Variants in LHX8 observed in about 807,000 individuals in gnomAD.
LHX8 encodes the protein LIM/homeobox protein Lhx8.
LHX8 carries 12 observed loss-of-function variants against 40.3 expected under a neutral mutation model. The ratio of observed to expected loss-of-function variants is 0.30; its 90% CI spans 0.19 to 0.48. The LOEUF (loss-of-function observed/expected upper bound fraction) is 0.48. Among genes scored for constraint, LHX8 ranks in the 20% least tolerant of loss-of-function variants. The pLI is 0.99. For missense variants in LHX8, 344 were observed against 433.7 expected (o/e 0.79, Z 1.84); for synonymous variants, 179 against 162.0 (o/e 1.10, Z -0.80).
Position 75,161,012 on chromosome 1 carries a change from C to A in LHX8, c.*117C>A. The A allele has an allele frequency of 1.3e-6, 1 of 775,078 alleles. No homozygotes were observed. Among genetic ancestry groups the A allele is most frequent in the Non-Finnish European group, 2.2e-6 (1 of 449,130 alleles). The allele number at this position is 775,078 out of a possible 1,614,324, so 48.0% of individuals were successfully genotyped here. ...TATTTAACACCTAAAGCATTTCCAA[C>A]ATCACTTTGCTGCCCAGGTATGTAT... On this transcript the variant is annotated 3_prime_UTR_variant, in exon 9 of 9. Transcript: ENST00000356261.
At chr1:75,132,542 A>G (rs1422988777), upstream of LHX8, 1 of 152,168 alleles carries the variant, frequency 6.6e-6, no homozygotes, top group Admixed American at 6.6e-5. Flanking sequence ...CCACTTATGC[A>G]GAGATAGACG....
rs976779352 is a variant in LHX8 at position 75,134,540 on chromosome 1, G to A, written c.-427G>A. 1.3e-5 allele frequency among the ~76,000 whole-genome samples: 2 copies of A among 151,938 alleles called. No individual in the cohort carries two copies. The highest frequency in any genetic ancestry group is 1.3e-4 in the Admixed American group (2 of 15,250). The stretch of plus-strand genomic sequence containing the variant: ...TCAGCTTTTATTAGTGGATCGGGGC[G>A]GGGGAGGGGGGAGATCGGCAGACAC... On this transcript the variant is annotated 5_prime_UTR_variant, in exon 1 of 9. Coordinates refer to ENST00000356261, the MANE Select transcript of LHX8 (RefSeq NM_001256114.2).
Position 75,140,839 on chromosome 1 carries a change from T to TA in LHX8, c.238-137dup, listed in dbSNP as rs879120230. 1.1e-3 allele frequency: 859 copies of TA among 791,462 alleles called. 2 individuals carry two copies. The highest frequency in any genetic ancestry group is 2.8e-3 in the African/African-American group (158 of 57,132). 49.0% of individuals were successfully genotyped at this position (791,462 alleles called of 1,614,324 possible). On this transcript the variant is annotated intron_variant, in intron 3 of 8. Transcript: ENST00000356261. The stretch of plus-strand genomic sequence containing the variant: ...ATACATGTTTACAAAAATGACATCT[T>TA]AAAAAAAAATGACATCTTTTGGATG...
chr1:75,175,265 CAT>C, the LHX8 span, among the ~76,000 whole-genome samples: 5 of 152,186 alleles, frequency 3.3e-5, no homozygotes, highest in African/African-American at 7.2e-5. Context: ...CTGCTATAAA[CAT>C]GTGTGTGCAA....
chr1:75,197,287 T>C, the LHX8 span, among the ~76,000 whole-genome samples: 1 of 152,140 alleles, frequency 6.6e-6, no homozygotes, highest in African/African-American at 2.4e-5. Context: ...ATTATCTACT[T>C]CTCTCTATCA....
At chr1:75,156,535 C>A (rs1452414370) in intron 7 of LHX8, among the ~76,000 whole-genome samples, 1 of 152,148 alleles carries the variant, frequency 6.6e-6, no homozygotes, top group African/African-American at 2.4e-5. Flanking sequence ...AGCCACAGCA[C>A]CCAGTCAAAT....
chr1:75,140,077 T>C (rs1193067535), intron 3 of LHX8, among the ~76,000 whole-genome samples: 1 of 152,224 alleles, frequency 6.6e-6, no homozygotes, highest in Non-Finnish European at 1.5e-5. Flanking sequence ...GCAAGCCAGT[T>C]CTATCTAATA....
chr1:75,180,966 T>C, the LHX8 span, among the ~76,000 whole-genome samples: 3 of 152,184 alleles, frequency 2.0e-5, no homozygotes, highest in Non-Finnish European at 2.9e-5. Flanking sequence ...TGAAAGTCTG[T>C]TGGAGTTTGC....
chr1:75,133,248 G>A (rs1377110610), upstream of LHX8, among the ~76,000 whole-genome samples: 1 of 152,202 alleles, frequency 6.6e-6, no homozygotes, highest in African/African-American at 2.4e-5. Context: ...GGAGAAAAAT[G>A]CAATGGAGGA....
At chr1:75,163,037 TTCAAA>T (rs1412290248), downstream of LHX8, among the ~76,000 whole-genome samples, 1 of 145,326 alleles carries the variant, frequency 6.9e-6, no homozygotes, top group African/African-American at 2.5e-5. Context: ...TTTTTTGCAA[TTCAAA>T]TCAAGAATCC....
chr1:75,198,574 GA>G, the LHX8 span, among the ~76,000 whole-genome samples: 6,737 of 152,184 alleles, frequency 0.044, 187 homozygotes, highest in Middle Eastern at 0.092. Context: ...GGTGACGTTG[GA>G]AAGCTCCCCT....
intron 7 of LHX8, among the ~76,000 whole-genome samples, chr1:75,150,386 C>T (rs1648573114): frequency 6.6e-6 from 1 of 152,090 alleles, no homozygotes; most frequent in Non-Finnish European, 1.5e-5. Flanking sequence ...GTTAACTATG[C>T]AAACAGGTAT....
At chr1:75,148,071 CCT>C (rs1648508850) in intron 6 of LHX8, among the ~76,000 whole-genome samples, 2 of 152,108 alleles carry the variant, frequency 1.3e-5, no homozygotes, top group Admixed American at 6.5e-5. Context: ...TTTTTAGACA[CCT>C]TTTTTTTTGC....
At chr1:75,180,310 G>A in the LHX8 span, among the ~76,000 whole-genome samples, 12 of 152,248 alleles carry the variant, frequency 7.9e-5, no homozygotes, top group East Asian at 5.8e-4. Context: ...CATTCTCCCC[G>A]TCACTTTCAG....
At chr1:75,132,053 A>C (rs1402287877), upstream of LHX8, 2 of 152,238 alleles carry the variant, frequency 1.3e-5, no homozygotes, top group Non-Finnish European at 2.9e-5. Flanking sequence ...AAGACCAAAC[A>C]AACAAACAAA....
At chr1:75,144,033 T>G (rs892683190) in intron 6 of LHX8, 85 bp downstream of exon 6, 33 of 1,016,384 alleles carry the variant, frequency 3.2e-5, no homozygotes, top group Non-Finnish European at 4.7e-5. Flanking sequence ...CCAAAAACAT[T>G]TTTATGTTTT....
At chr1:75,156,362 C>T (rs1229560226) in intron 7 of LHX8, among the ~76,000 whole-genome samples, 6 of 152,084 alleles carry the variant, frequency 3.9e-5, no homozygotes, top group African/African-American at 1.4e-4. Flanking sequence ...CTGCCTCAGC[C>T]ATCCGAGTAG....
intron 8 of LHX8, among the ~76,000 whole-genome samples, chr1:75,157,980 G>C (rs1281304800): frequency 6.6e-6 from 1 of 152,166 alleles, no homozygotes; most frequent in Non-Finnish European, 1.5e-5. Context: ...CAGTCATTCT[G>C]ACAGATAGTT....
At chr1:75,174,048 G>C in the LHX8 span, among the ~76,000 whole-genome samples, 1 of 151,992 alleles carries the variant, frequency 6.6e-6, no homozygotes, top group African/African-American at 2.4e-5. Context: ...TCAGAAATCT[G>C]AAACGCTGCT....
Sources: allele counts gnomAD v4.1 joint callset (sites outside exome capture counted in the v4.1 genomes callset), GRCh38; gene constraint gnomAD v4.1.1; transcripts MANE v1.5; gene names NCBI Gene and HGNC (gene_info 2026-07-23, HGNC 2026-07-21).